Variants in NRXN3 observed in about 807,000 individuals in gnomAD.
NRXN3 encodes neurexin III.
NRXN3 carries 32 observed loss-of-function variants against 137.6 expected under a neutral mutation model. The ratio of observed to expected loss-of-function variants is 0.23; its 90% CI spans 0.18 to 0.31. The LOEUF is 0.31. Ranked by LOEUF, NRXN3 falls within the 10% of genes least tolerant of loss-of-function variation. The pLI is 1.00. For synonymous variants in NRXN3, 798 were observed against 784.5 expected, an observed-to-expected ratio of 1.02 and a Z score of -0.29; for missense variants, 1,574 against 2,062.5, an observed-to-expected ratio of 0.76 and a Z score of 4.59.
intron 15 of NRXN3, among the ~76,000 whole-genome samples, chr14:79,047,885 A>C (rs1403579092): frequency 6.6e-6 from 1 of 152,188 alleles, no homozygotes; most frequent in African/African-American, 2.4e-5. Flanking sequence ...TAATATAGTT[A>C]AACATAAATC....
intron 9 of NRXN3, among the ~76,000 whole-genome samples, chr14:78,806,306 T>G (rs1187928536): frequency 6.6e-6 from 1 of 152,220 alleles, no homozygotes; most frequent in Non-Finnish European, 1.5e-5. Context: ...GCTCTTCATA[T>G]CCACGCCTTG....
intron 20 of NRXN3, among the ~76,000 whole-genome samples, chr14:79,833,855 A>G (rs8003909): frequency 0.91 from 138,217 of 152,172 alleles, 62,797 homozygotes; most frequent in East Asian, 0.95. Context: ...ATGCTGCACA[A>G]TATTTAATTG....
rs2097740158 is a variant in NRXN3, at chr14:78,651,333, T to C, written c.1221+7T>C. The C allele has an allele frequency of 6.2e-7, 1 of 1,613,482 alleles. No homozygotes were observed. Among genetic ancestry groups the C allele is most frequent in the Non-Finnish European group, 8.5e-7 (1 of 1,179,634 alleles). ...CATGGGCTGCCTTAAAGAGGTAAAG[T>C]TCACCCAATTCTATTTAATGCACCA... On this transcript the variant is annotated splice_region_variant and intron_variant, in intron 6 of 20. Coordinates refer to ENST00000335750, the MANE Select transcript of NRXN3 (RefSeq NM_001330195.2).
At chr14:78,975,979 C>A (rs2099464440) in intron 14 of NRXN3, among the ~76,000 whole-genome samples, 1 of 152,142 alleles carries the variant, frequency 6.6e-6, no homozygotes, top group Non-Finnish European at 1.5e-5. Context: ...CCTTGCTGAG[C>A]AGTGCAGTCT....
chr14:79,712,419 A>G (rs1205371183), intron 19 of NRXN3, among the ~76,000 whole-genome samples: 1 of 152,216 alleles, frequency 6.6e-6, no homozygotes, highest in Non-Finnish European at 1.5e-5. Context: ...TGACTTTGTA[A>G]TATCGCCTAT....
Position 78,714,817 on chromosome 14 carries a change from G to A in NRXN3, c.1722G>A (p.Leu574=), listed in dbSNP as rs1244559616. 6.2e-7 allele frequency: 1 copy of A among 1,614,156 alleles called. No individual in the cohort carries two copies. The highest frequency in any genetic ancestry group is 2.2e-5 in the East Asian group (1 of 44,880). Residue 574 remains leucine (L), a synonymous_variant, in exon 8 of 21, where the codon CTG becomes CTA. Coordinates refer to ENST00000335750, the MANE Select transcript of NRXN3 (RefSeq NM_001330195.2). The part of the protein sequence containing the change: ...PFTASGESEI[L]DLEGDMYLGG... ...CCGCCAGTGGGGAGAGCGAGATCCTGGACCTGGAAGGAGACATGTACCTGG... is the reference window on the plus strand; with the variant it reads ...CCGCCAGTGGGGAGAGCGAGATCCTAGACCTGGAAGGAGACATGTACCTGG...
chr14:78,861,563 G>A (rs2099072387), intron 10 of NRXN3, among the ~76,000 whole-genome samples: 1 of 152,086 alleles, frequency 6.6e-6, no homozygotes, highest in African/African-American at 2.4e-5. Flanking sequence ...TTAACTATCA[G>A]TGTATTTCTA....
intron 8 of NRXN3, among the ~76,000 whole-genome samples, chr14:78,795,784 A>G (rs2098819737): frequency 6.6e-6 from 1 of 152,238 alleles, no homozygotes; most frequent in South Asian, 2.1e-4. Flanking sequence ...GAAAATTATT[A>G]AAACATACAC....
chr14:79,732,329 G>A (rs747282139), intron 19 of NRXN3, among the ~76,000 whole-genome samples: 1 of 152,016 alleles, frequency 6.6e-6, no homozygotes. Context: ...AGTTTGATAC[G>A]GTAACTTAGT....
chr14:79,754,492 C>T (rs1213162030), intron 19 of NRXN3, among the ~76,000 whole-genome samples: 1 of 114,082 alleles, frequency 8.8e-6, no homozygotes, highest in Non-Finnish European at 1.8e-5. Context: ...GACTCACTCT[C>T]ACTCTCTCTT....
In NRXN3 at chr14:78,402,984, A is replaced by C. The variant is rs537836037; in HGVS notation, c.757+105124A>C. On this transcript the variant is annotated intron_variant, in intron 4 of 20. Transcript: ENST00000335750. ...ATATTTGTTGGCATCATAAGAAGAC[A>C]ACTCCATATATAGTATTCTGCCCCC... 2.0e-5 allele frequency among the ~76,000 whole-genome samples: 3 copies of C among 152,316 alleles called. No individual in the cohort carries two copies. In the South Asian group the frequency reaches 6.2e-4, roughly 32 times the overall value.
At chr14:79,772,630 T>G (rs181634425) in intron 19 of NRXN3, among the ~76,000 whole-genome samples, 9 of 152,024 alleles carry the variant, frequency 5.9e-5, no homozygotes, top group Non-Finnish European at 7.4e-5. Flanking sequence ...ATCAATTCAA[T>G]ATGGATTAGA....
chr14:79,617,917 C>CA (rs1162153685), intron 16 of NRXN3, among the ~76,000 whole-genome samples: 1,135 of 91,230 alleles, frequency 0.012, 53 homozygotes, highest in South Asian at 0.039. Flanking sequence ...TGAATAGCAG[C>CA]AAAAAAAAAA....
intron 15 of NRXN3, among the ~76,000 whole-genome samples, chr14:79,039,808 C>T (rs775023124): frequency 2.1e-4 from 32 of 152,112 alleles, no homozygotes; most frequent in African/African-American, 6.0e-4. Flanking sequence ...CCTCTCATTT[C>T]GGCCTTCCAA....
intron 15 of NRXN3, among the ~76,000 whole-genome samples, chr14:79,117,563 C>G (rs1339263708): frequency 6.6e-6 from 1 of 152,068 alleles, no homozygotes; most frequent in Non-Finnish European, 1.5e-5. Flanking sequence ...GGTATGCCCC[C>G]CAAAATGTCA....
chr14:78,870,215 T>C (rs10130754), intron 10 of NRXN3, among the ~76,000 whole-genome samples: 2,728 of 152,264 alleles, frequency 0.018, 84 homozygotes, highest in African/African-American at 0.063. Flanking sequence ...GGTAGAGGGG[T>C]CTGACTAAAG....
At chr14:79,377,241 C>T (rs2094329529) in intron 15 of NRXN3, among the ~76,000 whole-genome samples, 2 of 152,096 alleles carry the variant, frequency 1.3e-5, no homozygotes, top group Admixed American at 1.3e-4. Context: ...TTCTTATCAA[C>T]AATGTTTCAC....
intron 1 of NRXN3, among the ~76,000 whole-genome samples, chr14:78,181,570 T>G (rs563090628): frequency 1.2e-4 from 18 of 152,258 alleles, no homozygotes; most frequent in Admixed American, 3.3e-4. Flanking sequence ...GCTTAGTGCC[T>G]TGTGTGTGGG....
intron 15 of NRXN3, among the ~76,000 whole-genome samples, chr14:79,173,305 G>A (rs1432465542): frequency 6.6e-6 from 1 of 151,940 alleles, no homozygotes; most frequent in Non-Finnish European, 1.5e-5. Flanking sequence ...CAATGTGGGA[G>A]GATCACTTGA....
Sources: gnomAD v4.1 joint callset for allele counts (sites outside exome capture counted in the v4.1 genomes callset) on GRCh38, gnomAD v4.1.1 for gene constraint, MANE v1.5 for transcripts, NCBI Gene and HGNC (gene_info 2026-07-23, HGNC 2026-07-21) for gene names.